The following MIR2052HG variants were observed in gnomAD, a reference collection of about 807,000 sequenced individuals.
The protein encoded by MIR2052HG is MIR2052 host gene.
chr8:74,711,179 C>T (rs533217650), intron 4 of MIR2052HG, among the ~76,000 whole-genome samples: 1 of 152,212 alleles, frequency 6.6e-6, no homozygotes, highest in South Asian at 2.1e-4. Flanking sequence ...CCCTGGCCCA[C>T]TAGCTAGGTC....
At chr8:74,671,113 CGTGT>C (rs34920389) in intron 2 of MIR2052HG, among the ~76,000 whole-genome samples, 20 of 148,460 alleles carry the variant, frequency 1.3e-4, no homozygotes, top group African/African-American at 2.7e-4. Context: ...TGAGAGTGTA[CGTGT>C]GTGTGTGTGT....
chr8:74,668,955 T>C (rs1033626205), intron 2 of MIR2052HG, among the ~76,000 whole-genome samples: 3 of 152,180 alleles, frequency 2.0e-5, no homozygotes, highest in Non-Finnish European at 4.4e-5. Context: ...GTCACAGCTC[T>C]TGATCTGAGA....
At chr8:74,615,665 G>T (rs1808270106) in intron 2 of MIR2052HG, among the ~76,000 whole-genome samples, 1 of 151,348 alleles carries the variant, frequency 6.6e-6, no homozygotes, top group African/African-American at 2.4e-5. Flanking sequence ...CAACATGCAG[G>T]TTTGTTACAT....
intron 5 of MIR2052HG, among the ~76,000 whole-genome samples, chr8:74,753,993 T>A (rs1762185592): frequency 6.6e-6 from 1 of 152,222 alleles, no homozygotes; most frequent in African/African-American, 2.4e-5. Context: ...TGGGCTGATA[T>A]CAAAGGGAGA....
intron 2 of MIR2052HG, among the ~76,000 whole-genome samples, chr8:74,615,850 G>C (rs1277333988): frequency 2.0e-5 from 3 of 152,076 alleles, no homozygotes; most frequent in Non-Finnish European, 4.4e-5. Context: ...CTATGAGTGA[G>C]AACATGTGGT....
At chr8:74,602,740 C>G (rs1276262853) in intron 1 of MIR2052HG, among the ~76,000 whole-genome samples, 2 of 151,748 alleles carry the variant, frequency 1.3e-5, no homozygotes, top group African/African-American at 4.8e-5. Flanking sequence ...TGGTCTCAAA[C>G]TCCTGACTTT....
At chr8:74,616,586 GT>G (rs1412252053) in intron 2 of MIR2052HG, among the ~76,000 whole-genome samples, 1 of 151,636 alleles carries the variant, frequency 6.6e-6, no homozygotes, top group East Asian at 1.9e-4. Context: ...TTGCATCCCT[GT>G]TTTTGATTTT....
At chr8:74,750,148 A>G (rs1809929365) in intron 4 of MIR2052HG, among the ~76,000 whole-genome samples, 1 of 152,218 alleles carries the variant, frequency 6.6e-6, no homozygotes, top group Non-Finnish European at 1.5e-5. Flanking sequence ...TTTCAAAGCA[A>G]TATCACAAAT....
chr8:74,671,113 CGT>C (rs34920389), intron 2 of MIR2052HG, among the ~76,000 whole-genome samples: 34,861 of 148,024 alleles, frequency 0.24, 4,043 homozygotes, highest in Middle Eastern at 0.33. Context: ...TGAGAGTGTA[CGT>C]GTGTGTGTGT....
chr8:74,708,732 A>T (rs1190218036), intron 4 of MIR2052HG, among the ~76,000 whole-genome samples: 2 of 151,820 alleles, frequency 1.3e-5, no homozygotes, highest in African/African-American at 4.8e-5. Flanking sequence ...AAATTCTGAA[A>T]ATGTAAAATA....
intron 2 of MIR2052HG, among the ~76,000 whole-genome samples, chr8:74,699,485 C>CA: frequency 2.0e-5 from 3 of 151,670 alleles, no homozygotes; most frequent in Admixed American, 2.0e-4. Flanking sequence ...TAATGGCATT[C>CA]GCAGCAACCT....
At chr8:74,662,301 T>C (rs1161204048) in intron 2 of MIR2052HG, among the ~76,000 whole-genome samples, 2 of 152,154 alleles carry the variant, frequency 1.3e-5, no homozygotes, top group African/African-American at 4.8e-5. Flanking sequence ...TATTTGCCTA[T>C]TTATATATTC....
chr8:74,685,679 C>T (rs1312555117), intron 2 of MIR2052HG, among the ~76,000 whole-genome samples: 2 of 151,960 alleles, frequency 1.3e-5, no homozygotes, highest in African/African-American at 2.4e-5. Flanking sequence ...GCCTATGGAT[C>T]AGAAGAGCTA....
At chr8:74,654,063 C>A (rs1048639141) in intron 2 of MIR2052HG, among the ~76,000 whole-genome samples, 1 of 152,138 alleles carries the variant, frequency 6.6e-6, no homozygotes, top group Non-Finnish European at 1.5e-5. Flanking sequence ...ATTGTAGACA[C>A]CCCTACCTCC....
chr8:74,631,974 T>G (rs977012267), intron 2 of MIR2052HG, among the ~76,000 whole-genome samples: 5 of 152,114 alleles, frequency 3.3e-5, no homozygotes, highest in African/African-American at 9.7e-5. Context: ...TTAACACTAT[T>G]GCATTAAGGG....
chr8:74,743,484 C>T lies in MIR2052HG; in HGVS notation n.372-8957C>T, dbSNP rs1477542429. On this transcript the variant is annotated intron_variant and non_coding_transcript_variant, in intron 4 of 6. Transcript: ENST00000523442. ...GTTACTGGAGAAATGGTTACAAACA[C>T]CTATAAAGAAGGGAAGTGTAATCTG... is the stretch of plus-strand genomic sequence containing the variant. Among the ~76,000 whole-genome samples, 3 of 152,228 alleles carry T rather than the reference C, an allele frequency of 2.0e-5. No individual in the cohort carries two copies. The East Asian group carries it at 5.8e-4, about 29-fold the overall frequency.
At chr8:74,753,085 G>A (rs778629980) in intron 5 of MIR2052HG, among the ~76,000 whole-genome samples, 3 of 152,294 alleles carry the variant, frequency 2.0e-5, no homozygotes, top group Non-Finnish European at 2.9e-5. Flanking sequence ...GCTGAAAGAC[G>A]TTCAGAAATA....
At chr8:74,709,370 G>A (rs946110064) in intron 4 of MIR2052HG, among the ~76,000 whole-genome samples, 4 of 152,142 alleles carry the variant, frequency 2.6e-5, no homozygotes, top group Admixed American at 6.5e-5. Context: ...ACCAAATTAT[G>A]GAGAGTATTC....
intron 4 of MIR2052HG, among the ~76,000 whole-genome samples, chr8:74,747,664 C>T (rs535273023): frequency 2.0e-5 from 3 of 152,222 alleles, no homozygotes; most frequent in African/African-American, 7.2e-5. Context: ...GAGTGACATT[C>T]TTGGTTAAGA....
Sources: allele counts gnomAD v4.1 joint callset (sites outside exome capture counted in the v4.1 genomes callset), GRCh38; gene constraint gnomAD v4.1.1; transcripts MANE v1.5; gene names NCBI Gene and HGNC (gene_info 2026-07-23, HGNC 2026-07-21).